PLOD2: variants seen among roughly 807,000 people sequenced by gnomAD.
PLOD2 encodes the protein lysine hydroxylase 2.
In PLOD2, 65 loss-of-function variants were observed where a neutral mutation model predicts 101.0. The ratio of observed to expected loss-of-function variants is 0.64; its 90% CI spans 0.53 to 0.79. The LOEUF (loss-of-function observed/expected upper bound fraction) is 0.79. PLOD2 is among the 30% of genes least tolerant of loss of function. The pLI, the probability that PLOD2 is intolerant of heterozygous loss-of-function variation, is 0.00. For synonymous variants in PLOD2, 314 were observed against 302.9 expected (o/e 1.04, Z -0.38); for missense variants, 909 against 914.6 (o/e 0.99, Z 0.08).
intron 3 of PLOD2, among the ~76,000 whole-genome samples, chr3:146,120,601 A>C (rs1015388813): frequency 6.6e-6 from 1 of 152,238 alleles, no homozygotes; most frequent in Non-Finnish European, 1.5e-5. Context: ...ATGGCAACAA[A>C]AGCCAAAATT....
At chr3:146,116,300 C>T (rs185334836) in intron 3 of PLOD2, among the ~76,000 whole-genome samples, 9 of 151,848 alleles carry the variant, frequency 5.9e-5, no homozygotes, top group East Asian at 3.9e-4. Context: ...AAAACACCCA[C>T]GTACCCAGTT....
chr3:146,109,255 C>T (rs1019852661), intron 4 of PLOD2, among the ~76,000 whole-genome samples: 2 of 152,122 alleles, frequency 1.3e-5, no homozygotes, highest in South Asian at 4.2e-4. Context: ...AATATTGAGA[C>T]GAAGAGGAAA....
chr3:146,081,790 C>T lies in PLOD2; in HGVS notation c.1306G>A (p.Gly436Arg), dbSNP rs1936548825. The change falls in exon 12 of 20, where the codon GGA becomes AGA. Residue 436 changes from glycine to arginine, a missense_variant. Transcript: ENST00000282903. ...SNFWGALSPD[G>R]YYARSEDYVD... ...TAATCTTCAGATCGTGCATAGTATC[C>T]ATCAGGACTCAATGCTCCCCAGAAA... 3 of 1,609,398 alleles carry T rather than the reference C, an allele frequency of 1.9e-6. No homozygotes were observed. Among genetic ancestry groups the T allele is most frequent in the Non-Finnish European group, 2.6e-6 (3 of 1,175,910 alleles).
intron 12 of PLOD2, among the ~76,000 whole-genome samples, chr3:146,081,229 A>G (rs959710180): frequency 1.3e-5 from 2 of 152,172 alleles, no homozygotes; most frequent in African/African-American, 4.8e-5. Flanking sequence ...TTCAATCTCT[A>G]GAAGTGAAAA....
intron 4 of PLOD2, among the ~76,000 whole-genome samples, chr3:146,109,883 A>G (rs77760926): frequency 0.018 from 2,715 of 152,284 alleles, 86 homozygotes; most frequent in African/African-American, 0.062. Context: ...AGTAATACCT[A>G]TTCTTAAAAG....
intron 1 of PLOD2, among the ~76,000 whole-genome samples, chr3:146,148,877 T>G (rs995424807): frequency 8.5e-5 from 13 of 152,220 alleles, no homozygotes; most frequent in African/African-American, 2.9e-4. Context: ...CCATGCACAC[T>G]GGACCATAGG....
At chr3:146,086,962 A>ACT in intron 9 of PLOD2, 54 bp from the exon 10 acceptor site, 1 of 1,097,860 alleles carries the variant, frequency 9.1e-7, no homozygotes, top group Non-Finnish European at 1.3e-6. Flanking sequence ...CAGATGACTG[A>ACT]AGTATTCATA....
At chr3:146,124,010 T>C (rs1376084031) in intron 2 of PLOD2, 128 bp downstream of exon 2, 2 of 658,002 alleles carry the variant, frequency 3.0e-6, no homozygotes, top group East Asian at 2.7e-5. Context: ...AAAAACTACA[T>C]GAACTAACAG....
Position 146,089,556 on chromosome 3 carries a change from A to G in PLOD2, c.880-845T>C, listed in dbSNP as rs185046021. Among the ~76,000 whole-genome samples the G allele has an allele frequency of 3.3e-5, 5 of 151,686 alleles. 1 individual carries two copies. The East Asian group carries it at 9.7e-4, about 29-fold the overall frequency. On this transcript the variant is annotated intron_variant, in intron 8 of 19. Transcript: ENST00000282903. ...TAAAGTCTGAACAAAAGAATTACAAATATTTTTAAATACCTTATACATTAA... is the reference window on the plus strand; with the variant it reads ...TAAAGTCTGAACAAAAGAATTACAAGTATTTTTAAATACCTTATACATTAA...
chr3:146,082,766 G>A (rs769873009), intron 11 of PLOD2, among the ~76,000 whole-genome samples: 4 of 151,996 alleles, frequency 2.6e-5, no homozygotes, highest in South Asian at 4.1e-4. Flanking sequence ...ATGGTGGCAC[G>A]CACCTATAAT....
At chr3:146,105,068 A>G (rs1008615029) in intron 5 of PLOD2, 8 of 152,248 alleles carry the variant, frequency 5.3e-5, no homozygotes, top group African/African-American at 1.7e-4. Context: ...GGAGCTATGG[A>G]CCAATGGTGG....
intron 1 of PLOD2, among the ~76,000 whole-genome samples, chr3:146,142,692 A>G (rs1195649779): frequency 6.6e-6 from 1 of 152,138 alleles, no homozygotes; most frequent in East Asian, 1.9e-4. Context: ...GTTTAAGCAC[A>G]CAAATATCCC....
At chr3:146,090,947 C>T (rs1325975901) in intron 8 of PLOD2, among the ~76,000 whole-genome samples, 6 of 151,730 alleles carry the variant, frequency 4.0e-5, no homozygotes, top group African/African-American at 1.2e-4. Context: ...AGAATCAATG[C>T]TTCATACATA....
chr3:146,076,762 G>A lies in PLOD2; in HGVS notation c.1677+20C>T. On this transcript the variant is annotated intron_variant, in intron 15 of 19. Coordinates refer to ENST00000282903, the MANE Select transcript of PLOD2 (RefSeq NM_182943.3). ...CTTACAGTTATAGAAAAATAATAAA[G>A]TTGAGTATGAAATACATACCACAGG... 9.1e-7 allele frequency: 1 copy of A among 1,094,866 alleles called. No individual in the cohort carries two copies. The highest frequency in any genetic ancestry group is 1.3e-5 in the South Asian group (1 of 78,814). 67.8% of individuals were successfully genotyped at this position (1,094,866 alleles called of 1,614,324 possible). A position where few individuals can be genotyped will look rare whatever the true frequency, so the allele number is the denominator to read the frequency against.
chr3:146,155,787 T>C (rs1445973536), intron 1 of PLOD2, among the ~76,000 whole-genome samples: 1 of 151,776 alleles, frequency 6.6e-6, no homozygotes, highest in Non-Finnish European at 1.5e-5. Flanking sequence ...GCAAGCATTC[T>C]ACAACAAATG....
chr3:146,090,127 C>CAT (rs1211827053), intron 8 of PLOD2, among the ~76,000 whole-genome samples: 23 of 150,534 alleles, frequency 1.5e-4, no homozygotes, highest in Non-Finnish European at 5.9e-5. Context: ...TATGTATATT[C>CAT]ATATATATAT....
Position 146,091,800 on chromosome 3 carries a change from A to T in PLOD2, c.879T>A (p.Asp293Glu), listed in dbSNP as rs1252359234. ...EFDTVDLSAVDVHPNVSIGVF... is the reference protein window; with the variant it reads ...EFDTVDLSAVEVHPNVSIGVF... Reference sequence around the variant, plus strand: ...TTCACACATAATCAATTCCACTTACATCTACTGCAGACAAGTCGACTGTAT... The same window carrying T: ...TTCACACATAATCAATTCCACTTACTTCTACTGCAGACAAGTCGACTGTAT... The change falls in exon 8 of 20, where the codon GAT (aspartate) becomes GAA (glutamate). Residue 293 changes from aspartate (D) to glutamate (E), a missense_variant and splice_region_variant. Asp to Glu is a conservative substitution (Grantham distance 45). Coordinates refer to ENST00000282903, the MANE Select transcript of PLOD2 (RefSeq NM_182943.3). The T allele has an allele frequency of 3.3e-6, 5 of 1,512,884 alleles. No homozygotes were observed. Among genetic ancestry groups the T allele is most frequent in the East Asian group, 2.3e-5 (1 of 44,282 alleles). The allele number at this position is 1,512,884 out of a possible 1,614,324, so 93.7% of individuals were successfully genotyped here.
chr3:146,084,325 T>A (rs1936682290), intron 11 of PLOD2, among the ~76,000 whole-genome samples: 1 of 152,004 alleles, frequency 6.6e-6, no homozygotes, highest in Admixed American at 6.6e-5. Context: ...GGTCTTAGAT[T>A]TTTGAAGTAA....
chr3:146,085,481 C>T, intron 10 of PLOD2: 1 of 542,372 alleles, frequency 1.8e-6, no homozygotes, highest in Middle Eastern at 4.8e-4. Context: ...AGGGAGCTCA[C>T]CTCTAAAATT....
Sources: allele counts gnomAD v4.1 joint callset (sites outside exome capture counted in the v4.1 genomes callset), GRCh38; gene constraint gnomAD v4.1.1; transcripts MANE v1.5; gene names NCBI Gene and HGNC (gene_info 2026-07-23, HGNC 2026-07-21).